Variants in FSTL4 observed in about 807,000 individuals in gnomAD.
FSTL4 encodes follistatin-related protein 4.
In FSTL4, 28 loss-of-function variants were observed where a neutral mutation model predicts 78.2. The observed-to-expected ratio is 0.36, with a 90% CI of 0.27 to 0.49. The LOEUF is 0.49. Among genes scored for constraint, FSTL4 ranks in the 20% least tolerant of loss-of-function variants. The probability of loss-of-function intolerance (pLI) is 0.98; values close to 1 mark genes in which losing one functional copy is unlikely to be tolerated. For synonymous variants in FSTL4, 422 were observed against 440.5 expected, an observed-to-expected ratio of 0.96 and a Z score of 0.53; for missense variants, 922 against 1,084.9, an observed-to-expected ratio of 0.85 and a Z score of 2.11.
chr5:133,641,278 A>C, the FSTL4 span, among the ~76,000 whole-genome samples: 318 of 151,990 alleles, frequency 2.1e-3, 2 homozygotes, highest in Middle Eastern at 6.8e-3. Flanking sequence ...ACAAAAAAAA[A>C]CACGTACTGA....
chr5:133,541,917 G>T (rs902310707), intron 3 of FSTL4, among the ~76,000 whole-genome samples: 1 of 95,956 alleles, frequency 1.0e-5, no homozygotes, highest in Non-Finnish European at 2.2e-5. Context: ...CAGAGCTAGA[G>T]AATGTTACAG....
chr5:133,664,099 A>G, the FSTL4 span, among the ~76,000 whole-genome samples: 1 of 152,310 alleles, frequency 6.6e-6, no homozygotes, highest in African/African-American at 2.4e-5. Flanking sequence ...AACTCAACAC[A>G]AAGAATTATC....
At chr5:133,312,406 C>T in intron 6 of FSTL4, 1 of 527,688 alleles carries the variant, frequency 1.9e-6, no homozygotes, top group Non-Finnish European at 3.4e-6. Context: ...AATTACAGTC[C>T]TGGGCCCCTC....
intron 3 of FSTL4, among the ~76,000 whole-genome samples, chr5:133,427,136 A>G (rs1461261456): frequency 6.6e-6 from 1 of 152,134 alleles, no homozygotes; most frequent in Non-Finnish European, 1.5e-5. Flanking sequence ...ATCTCACTTC[A>G]GCTGTGTGAC....
At position 133,286,687 on chromosome 5, in the gene FSTL4, G is replaced by A. The variant is rs550797664; in HGVS notation, c.727+25967C>T. On this transcript the variant is annotated intron_variant, in intron 6 of 15. Transcript: ENST00000265342. ...TAGGACTGCAGGCAGGGGACTTAGGGAGGGCTTCCTGGAGGAGGTGGCATC... is the reference window on the plus strand; with the variant it reads ...TAGGACTGCAGGCAGGGGACTTAGGAAGGGCTTCCTGGAGGAGGTGGCATC... 3.9e-5 allele frequency among the ~76,000 whole-genome samples: 6 copies of A among 152,300 alleles called. No homozygotes were observed. In the South Asian group the frequency reaches 1.2e-3, roughly 32 times the overall value.
rs754185647 is a variant in FSTL4 at position 133,491,401 on chromosome 5, C to CT, written c.160+75784dup. On this transcript the variant is annotated intron_variant, in intron 3 of 15. Coordinates refer to ENST00000265342, the MANE Select transcript of FSTL4 (RefSeq NM_015082.2). ...TTAATGTTACTACAAACAATTTTTT[C>CT]TTTTTTTTTTTTTTTTGAGACGGAG... is the stretch of plus-strand genomic sequence containing the variant. Among the ~76,000 whole-genome samples, 843 of 137,846 alleles carry CT rather than the reference C, an allele frequency of 6.1e-3. 4 individuals carry two copies. Among genetic ancestry groups the CT allele is most frequent in the African/African-American group, 0.013 (501 of 37,806 alleles). The allele number at this position is 137,846 out of a possible 152,430, so 90.4% of individuals were successfully genotyped here.
chr5:133,631,926 C>T, the FSTL4 span, among the ~76,000 whole-genome samples: 1 of 152,046 alleles, frequency 6.6e-6, no homozygotes, highest in South Asian at 2.1e-4. Context: ...CATGTTCTCA[C>T]TCATAAGTGG....
At position 133,372,249 on chromosome 5, in the gene FSTL4, G is replaced by GTATCTATGTATC. The variant is rs1386103768; in HGVS notation, c.409+28488_409+28489insGATACATAGATA. Among the ~76,000 whole-genome samples the GTATCTATGTATC allele has an allele frequency of 2.3e-3, 322 of 138,492 alleles. 5 individuals are homozygous for GTATCTATGTATC. In the East Asian group the frequency reaches 0.03, roughly 13 times the overall value. The allele number at this position is 138,492 out of a possible 152,430, so 90.9% of individuals were successfully genotyped here. A position where few individuals can be genotyped will look rare whatever the true frequency, so the allele number is the denominator to read the frequency against. Reference sequence around the variant, plus strand: ...TGTATCTATGTATCTATGTATCTATGTATGTATGTATGTATGTATGTATCT... The same window carrying GTATCTATGTATC: ...TGTATCTATGTATCTATGTATCTATGTATCTATGTATCTATGTATGTATGTATGTATGTATCT... On this transcript the variant is annotated intron_variant, in intron 4 of 15. Transcript: ENST00000265342.
chr5:133,496,535 C>T (rs1035661965), intron 3 of FSTL4, among the ~76,000 whole-genome samples: 14 of 152,218 alleles, frequency 9.2e-5, no homozygotes, highest in Admixed American at 9.2e-4. Context: ...GATCTGCATT[C>T]ATGGCATGAG....
At chr5:133,496,926 C>T (rs1339611893) in intron 3 of FSTL4, among the ~76,000 whole-genome samples, 1 of 152,176 alleles carries the variant, frequency 6.6e-6, no homozygotes, top group African/African-American at 2.4e-5. Context: ...TTACTGCCTC[C>T]CGCCCATCTT....
chr5:133,708,115 G>C, the FSTL4 span, among the ~76,000 whole-genome samples: 1 of 127,160 alleles, frequency 7.9e-6, no homozygotes, highest in Admixed American at 9.3e-5. Flanking sequence ...AAGGGGAAGA[G>C]AAAGAGAAGG....
intron 8 of FSTL4, among the ~76,000 whole-genome samples, chr5:133,232,782 G>A (rs1267951277): frequency 6.6e-6 from 1 of 152,126 alleles, no homozygotes; most frequent in Non-Finnish European, 1.5e-5. Context: ...CTGAGTACAG[G>A]GACTGACCAA....
At chr5:133,741,027 A>G in the FSTL4 span, among the ~76,000 whole-genome samples, 1 of 152,120 alleles carries the variant, frequency 6.6e-6, no homozygotes, top group African/African-American at 2.4e-5. Flanking sequence ...GTATATTGCA[A>G]GCATATGAAA....
At chr5:133,576,769 G>C (rs1760291189) in intron 2 of FSTL4, among the ~76,000 whole-genome samples, 1 of 152,200 alleles carries the variant, frequency 6.6e-6, no homozygotes, top group South Asian at 2.1e-4. Context: ...AGATGAGATG[G>C]AAGCTTTGCC....
chr5:133,281,277 C>T (rs1381225332), intron 6 of FSTL4, among the ~76,000 whole-genome samples: 1 of 152,158 alleles, frequency 6.6e-6, no homozygotes, highest in Non-Finnish European at 1.5e-5. Flanking sequence ...GTCCAGAGAC[C>T]TCAGAAGGTC....
At chr5:133,328,618 G>C (rs1454691252) in intron 4 of FSTL4, among the ~76,000 whole-genome samples, 1 of 152,172 alleles carries the variant, frequency 6.6e-6, no homozygotes, top group East Asian at 1.9e-4. Flanking sequence ...TAACAGGTCA[G>C]CATTCCTTGT....
At chr5:133,630,895 T>C in the FSTL4 span, among the ~76,000 whole-genome samples, 1 of 152,184 alleles carries the variant, frequency 6.6e-6, no homozygotes, top group Non-Finnish European at 1.5e-5. Context: ...GGGAAAGAAT[T>C]CCCTATTTAA....
intron 6 of FSTL4, among the ~76,000 whole-genome samples, chr5:133,298,793 C>T (rs1753466139): frequency 6.6e-6 from 1 of 152,254 alleles, no homozygotes; most frequent in South Asian, 2.1e-4. Flanking sequence ...CCAGGCCATT[C>T]TCCCTGGAAG....
chr5:133,614,934 TA>T (rs1451950495), upstream of FSTL4, among the ~76,000 whole-genome samples: 2 of 152,228 alleles, frequency 1.3e-5, no homozygotes, highest in Admixed American at 6.5e-5. Flanking sequence ...GCAACCCAAA[TA>T]TTTTTTTACG....
Sources: allele counts gnomAD v4.1 joint callset (sites outside exome capture counted in the v4.1 genomes callset), GRCh38; gene constraint gnomAD v4.1.1; transcripts MANE v1.5; gene names NCBI Gene and HGNC (gene_info 2026-07-23, HGNC 2026-07-21).